INF2: variants seen among roughly 807,000 people sequenced by gnomAD.
INF2 encodes inverted formin 2.
Under a neutral mutation model 123.5 loss-of-function variants are expected in INF2, and 43 were observed. The ratio of observed to expected loss-of-function variants is 0.35; its 90% CI spans 0.27 to 0.45. The LOEUF is 0.45. Ranked by LOEUF, INF2 falls within the 20% of genes least tolerant of loss-of-function variation. The pLI, the probability that INF2 is intolerant of heterozygous loss-of-function variation, is 1.00. For missense variants in INF2, 1,453 were observed against 1,682.7 expected (o/e 0.86, Z 2.39); for synonymous variants, 851 against 745.0 (o/e 1.14, Z -2.32).
intron 1 of INF2, among the ~76,000 whole-genome samples, chr14:104,700,469 C>T (rs1889423539): frequency 1.3e-5 from 2 of 152,158 alleles, no homozygotes; most frequent in African/African-American, 4.8e-5. Context: ...AAGATCTAAG[C>T]CATACATGGT....
Position 104,701,623 on chromosome 14 carries a change from C to G in INF2, c.258C>G (p.Gly86=). The change falls in exon 2 of 23, where the codon GGC becomes GGG. Residue 86 remains glycine, a synonymous_variant. Transcript: ENST00000392634. ...LLLEALARLS[G]RGVARISDAL... The stretch of plus-strand genomic sequence containing the variant: ...TGGAGGCGCTGGCGCGGCTGTCGGG[C>G]CGCGGCGTTGCACGTATCTCCGACG... 2 of 1,602,758 alleles carry G rather than the reference C, an allele frequency of 1.2e-6. No homozygotes were observed.
intron 1 of INF2, among the ~76,000 whole-genome samples, chr14:104,693,624 G>A (rs111777476): frequency 9.3e-4 from 141 of 152,338 alleles, no homozygotes; most frequent in African/African-American, 3.3e-3. Flanking sequence ...TCTGCCCAGC[G>A]AGTGGCCAGC....
At chr14:104,715,401 G>A (rs1288525126) in intron 22 of INF2, 61 bp downstream of exon 22, 3 of 1,461,594 alleles carry the variant, frequency 2.1e-6, no homozygotes, top group African/African-American at 1.4e-5. Context: ...TGGGGCTGGA[G>A]CTTGCTGCCC....
intron 20 of INF2, 110 bp from the exon 21 acceptor site, chr14:104,714,093 G>T: frequency 1.0e-6 from 1 of 954,646 alleles, no homozygotes; most frequent in South Asian, 1.7e-5. Flanking sequence ...AGGCTTTCTG[G>T]GGAGGAGGTT....
rs1279047520 is a variant in INF2 at position 104,720,207 on chromosome 14, T to C, written c.*1414T>C. ...CAGGCTGTATCAGGACTTCATTCCA[T>C]TTCATGGCTGAAGCACATTCCATTG... On this transcript the variant is annotated 3_prime_UTR_variant, in exon 23 of 23. Transcript: ENST00000392634. 2 of 155,060 alleles carry C rather than the reference T, an allele frequency of 1.3e-5. No homozygotes were observed. The highest frequency in any genetic ancestry group is 2.9e-5 in the Non-Finnish European group (2 of 69,976). 9.6% of individuals were successfully genotyped at this position (155,060 alleles called of 1,614,324 possible).
chr14:104,701,351 C>T lies in INF2; in HGVS notation c.-9-6C>T. On this transcript the variant is annotated splice_polypyrimidine_tract_variant and splice_region_variant and intron_variant, in intron 1 of 22. Coordinates refer to ENST00000392634, the MANE Select transcript of INF2 (RefSeq NM_022489.4). ...CCGCTGACGGCTCCCTGCCCTCTGC[C>T]TGCAGCTCGGCAAGATGTCGGTGAA... 1 of 1,568,702 alleles carries T rather than the reference C, an allele frequency of 6.4e-7. No homozygotes were observed. Among genetic ancestry groups the T allele is most frequent in the Non-Finnish European group, 8.7e-7 (1 of 1,156,046 alleles).
chr14:104,695,722 A>G (rs1204554898), intron 1 of INF2, among the ~76,000 whole-genome samples: 10 of 149,578 alleles, frequency 6.7e-5, no homozygotes, highest in Non-Finnish European at 5.9e-5. Context: ...TACCTTCCCC[A>G]GGCCCATTGT....
At chr14:104,710,275 C>A in intron 13 of INF2, 87 bp downstream of exon 13, 1 of 927,860 alleles carries the variant, frequency 1.1e-6, no homozygotes, top group South Asian at 1.5e-5. Flanking sequence ...CTGCTACTGC[C>A]AGTATCATAA....
intron 1 of INF2, among the ~76,000 whole-genome samples, chr14:104,692,070 T>G (rs1269138360): frequency 6.6e-6 from 1 of 152,186 alleles, no homozygotes; most frequent in African/African-American, 2.4e-5. Flanking sequence ...CTCTGAGGGC[T>G]CATGTCAGTC....
upstream of INF2, among the ~76,000 whole-genome samples, chr14:104,687,527 C>G (rs1039422685): frequency 1.3e-5 from 2 of 152,096 alleles, no homozygotes; most frequent in African/African-American, 4.8e-5. The surrounding 1 kb of genome is among the most constrained non-coding windows in gnomAD (Gnocchi z 5.6). Context: ...GCCCAAAGCC[C>G]TCCTCTGCAC....
In INF2 at chr14:104,701,399, G is replaced by A. The variant is rs201814557; in HGVS notation, c.34G>A (p.Ala12Thr). The change falls in exon 2 of 23, where the codon GCA becomes ACA. Residue 12 changes from alanine (A) to threonine (T), a missense_variant. Physicochemically the swap from Ala to Thr is moderately conservative, Grantham distance 58 (BLOSUM62 0). Transcript: ENST00000392634. ...SVKEGAQRKW[A>T]ALKEKLGPQD... Reference sequence around the variant, plus strand: ...GAAGGAGGGCGCACAGCGCAAGTGGGCAGCGCTGAAGGAGAAGCTGGGGCC... The same window carrying A: ...GAAGGAGGGCGCACAGCGCAAGTGGACAGCGCTGAAGGAGAAGCTGGGGCC... 2 of 1,592,996 alleles carry A rather than the reference G, an allele frequency of 1.3e-6. No individual in the cohort carries two copies. The highest frequency in any genetic ancestry group is 8.6e-7 in the Non-Finnish European group (1 of 1,169,436).
Position 104,695,024 on chromosome 14 carries a change from C to T in INF2, c.-10+5285C>T, listed in dbSNP as rs1047142521. 4.6e-5 allele frequency among the ~76,000 whole-genome samples: 7 copies of T among 152,160 alleles called. 1 individual carries two copies. In the South Asian group the frequency reaches 1.2e-3, roughly 27 times the overall value. Reference sequence around the variant, plus strand: ...AGGACAGAGGAGGGACCTGGGGCCTCGGAGGAGGCATCTCTGAGTATGTCT... The same window carrying T: ...AGGACAGAGGAGGGACCTGGGGCCTTGGAGGAGGCATCTCTGAGTATGTCT... On this transcript the variant is annotated intron_variant, in intron 1 of 22. Coordinates refer to ENST00000392634, the MANE Select transcript of INF2 (RefSeq NM_022489.4).
At chr14:104,709,435 G>A in intron 11 of INF2, 52 bp downstream of exon 11, 1 of 1,466,280 alleles carries the variant, frequency 6.8e-7, no homozygotes, top group Non-Finnish European at 9.5e-7. Flanking sequence ...CCAACCAAGG[G>A]AGAGGCTGTC....
At chr14:104,710,888 TGG>T in intron 13 of INF2, 47 bp from the exon 14 acceptor site, 1 of 1,559,248 alleles carries the variant, frequency 6.4e-7, no homozygotes, top group Non-Finnish European at 8.8e-7. Flanking sequence ...CCAGGGCATC[TGG>T]GGGCTCCGAA....
In INF2 at chr14:104,708,005, G is replaced by A; in HGVS notation, c.1735+3G>A. 6.3e-7 allele frequency: 1 copy of A among 1,598,154 alleles called. No individual in the cohort carries two copies. The highest frequency in any genetic ancestry group is 8.5e-7 in the Non-Finnish European group (1 of 1,179,704). ...GCTGCCATCCAACGTGGCACGTGGT[G>A]AGGGTCCCCAGACCCCCAAGGGAAG... On this transcript the variant is annotated splice_donor_region_variant and intron_variant, in intron 8 of 22. Coordinates refer to ENST00000392634, the MANE Select transcript of INF2 (RefSeq NM_022489.4).
Position 104,701,592 on chromosome 14 carries a change from T to G in INF2, c.227T>G (p.Leu76Arg). 1 of 1,607,484 alleles carries G rather than the reference T, an allele frequency of 6.2e-7. No individual in the cohort carries two copies. Among genetic ancestry groups the G allele is most frequent in the Non-Finnish European group, 8.5e-7 (1 of 1,178,748 alleles). The change falls in exon 2 of 23, where the codon CTG becomes CGG. Residue 76 changes from leucine to arginine, a missense_variant. Physicochemically the swap from Leu to Arg is moderately radical, Grantham distance 102 (BLOSUM62 -2). Around this residue, in one of 8 missense-constraint regions of INF2, gnomAD observed 251 missense variants for 349.4 expected, o/e 0.72. Coordinates refer to ENST00000392634, the MANE Select transcript of INF2 (RefSeq NM_022489.4). ...TTCCTGGAGCAGAGCGGCCTGGACC[T>G]GCTGCTGGAGGCGCTGGCGCGGCTG... The part of the protein sequence containing the change: ...VQFLEQSGLD[L>R]LLEALARLSG...
upstream of INF2, chr14:104,689,587 T>TGCAG: frequency 4.7e-6 from 4 of 851,054 alleles, no homozygotes; most frequent in South Asian, 5.4e-5. Flanking sequence ...CACCTCCTCT[T>TGCAG]CCTCCCGCCC....
chr14:104,708,000 G>A lies in INF2; in HGVS notation c.1733G>A (p.Arg578His), dbSNP rs374535109. 1.1e-5 allele frequency: 18 copies of A among 1,598,064 alleles called. No individual in the cohort carries two copies. In the East Asian group the frequency reaches 2.0e-4, roughly 18 times the overall value. The change falls in exon 8 of 23, where the codon CGT becomes CAT. Residue 578 changes from arginine to histidine, a missense_variant and splice_region_variant. Around this residue, in one of 8 missense-constraint regions of INF2, gnomAD observed 192 missense variants for 274.4 expected, o/e 0.70. Transcript: ENST00000392634. The stretch of plus-strand genomic sequence containing the variant: ...CAGAAGCTGCCATCCAACGTGGCAC[G>A]TGGTGAGGGTCCCCAGACCCCCAAG... ...NWQKLPSNVAREHNSMWASLS... is the reference protein window; with the variant it reads ...NWQKLPSNVAHEHNSMWASLS...
chr14:104,714,101 G>A (rs1890178874), intron 20 of INF2, 102 bp from the exon 21 acceptor site: 18 of 1,066,498 alleles, frequency 1.7e-5, no homozygotes, highest in Non-Finnish European at 2.1e-5. Flanking sequence ...TGGGGAGGAG[G>A]TTTTGCAGGG....
Sources: allele counts gnomAD v4.1 joint callset (sites outside exome capture counted in the v4.1 genomes callset), GRCh38; gene constraint gnomAD v4.1.1; regional missense constraint gnomAD v4.1.1; non-coding constraint Gnocchi (gnomAD v3.1); transcripts MANE v1.5; gene names NCBI Gene and HGNC (gene_info 2026-07-23, HGNC 2026-07-21).